Variants in SUPT3H observed in about 807,000 individuals in gnomAD.
SUPT3H encodes the protein transcription initiation protein SPT3 homolog.
Under a neutral mutation model 44.3 loss-of-function variants are expected in SUPT3H, and 44 were observed. The observed-to-expected ratio is 0.99, with a 90% confidence interval of 0.78 to 1.28. SUPT3H has a LOEUF of 1.28. SUPT3H is among the 50% of genes most tolerant of loss of function. The probability of loss-of-function intolerance (pLI) is 0.00; values close to 1 mark genes in which losing one functional copy is unlikely to be tolerated. For missense variants in SUPT3H, 380 were observed against 387.1 expected, an observed-to-expected ratio of 0.98 and a Z score of 0.15; for synonymous variants, 124 against 125.6, an observed-to-expected ratio of 0.99 and a Z score of 0.09.
intron 6 of SUPT3H, among the ~76,000 whole-genome samples, chr6:44,976,735 T>TAAAATAATTGTGGGTGTGAAAATCTTTG (rs1171256604): frequency 6.6e-6 from 1 of 152,206 alleles, no homozygotes; most frequent in Non-Finnish European, 1.5e-5. Flanking sequence ...AAATAATCTT[T>TAAAATAATTGTGGGTGTGAAAATCTTTG]AAAATAATTG....
intron 6 of SUPT3H, among the ~76,000 whole-genome samples, chr6:44,966,632 G>A (rs1176275435): frequency 6.6e-6 from 1 of 152,024 alleles, no homozygotes; most frequent in Non-Finnish European, 1.5e-5. Flanking sequence ...TCAGAAAACA[G>A]TTACTATTCT....
intron 10 of SUPT3H, among the ~76,000 whole-genome samples, chr6:44,881,398 G>C (rs1778197658): frequency 6.6e-6 from 1 of 152,134 alleles, no homozygotes; most frequent in South Asian, 2.1e-4. Context: ...CAAGTTCTTA[G>C]AGATCTACAA....
intron 2 of SUPT3H, among the ~76,000 whole-genome samples, chr6:45,244,451 A>G (rs1300986289): frequency 6.6e-6 from 1 of 152,098 alleles, no homozygotes; most frequent in Non-Finnish European, 1.5e-5. Context: ...AAATTTTCCA[A>G]TCTTATGCTC....
At chr6:44,895,380 T>A (rs1226802708) in intron 10 of SUPT3H, among the ~76,000 whole-genome samples, 1 of 151,200 alleles carries the variant, frequency 6.6e-6, no homozygotes, top group Non-Finnish European at 1.5e-5. Context: ...CACAGTACCA[T>A]ACCTGGCTCA....
intron 10 of SUPT3H, among the ~76,000 whole-genome samples, chr6:44,841,220 G>A (rs1770880811): frequency 6.6e-6 from 1 of 152,106 alleles, no homozygotes; most frequent in African/African-American, 2.4e-5. Flanking sequence ...ATTATTAGTT[G>A]TTATATGAAT....
intron 11 of SUPT3H, among the ~76,000 whole-genome samples, chr6:44,815,604 G>A (rs1199537829): frequency 6.6e-6 from 1 of 151,978 alleles, no homozygotes; most frequent in Non-Finnish European, 1.5e-5. Flanking sequence ...AATGCTAAAG[G>A]GGACAATTAA....
intron 2 of SUPT3H, among the ~76,000 whole-genome samples, chr6:45,192,280 G>GA (rs1454451700): frequency 3.3e-5 from 5 of 152,044 alleles, no homozygotes; most frequent in East Asian, 1.9e-4. Context: ...TTTGCAAGGG[G>GA]AAAAAATCAG....
chr6:45,108,794 C>T (rs964327889), intron 2 of SUPT3H, among the ~76,000 whole-genome samples: 2 of 152,024 alleles, frequency 1.3e-5, no homozygotes, highest in Non-Finnish European at 2.9e-5. Context: ...ATTATCACCA[C>T]TTTCAGTCAA....
At chr6:45,242,698 T>A (rs146354324) in intron 2 of SUPT3H, among the ~76,000 whole-genome samples, 1 of 152,122 alleles carries the variant, frequency 6.6e-6, no homozygotes, top group African/African-American at 2.4e-5. Flanking sequence ...TTAAATTGCC[T>A]GGAAAAACAA....
At chr6:45,119,904 A>G (rs1213631845) in intron 2 of SUPT3H, among the ~76,000 whole-genome samples, 1 of 152,170 alleles carries the variant, frequency 6.6e-6, no homozygotes, top group Non-Finnish European at 1.5e-5. Context: ...GTCTGAAAAT[A>G]TATACAATTT....
At chr6:45,164,971 TGCATAGGAGGGTAAG>T (rs925921842) in intron 2 of SUPT3H, among the ~76,000 whole-genome samples, 11 of 152,188 alleles carry the variant, frequency 7.2e-5, no homozygotes, top group African/African-American at 2.6e-4. Flanking sequence ...AAAGTTTGAT[TGCATAGGAGGGTAAG>T]GCACATACAC....
chr6:45,124,346 T>C (rs1342848294), intron 2 of SUPT3H, among the ~76,000 whole-genome samples: 4 of 151,804 alleles, frequency 2.6e-5, no homozygotes, highest in African/African-American at 9.7e-5. Flanking sequence ...AAAAGTACAG[T>C]TGAAAAATTG....
intron 2 of SUPT3H, among the ~76,000 whole-genome samples, chr6:45,181,974 A>C (rs1813328092): frequency 6.6e-6 from 1 of 152,120 alleles, no homozygotes; most frequent in Admixed American, 6.5e-5. Context: ...AAATAAATAC[A>C]AGTTGTATTC....
intron 2 of SUPT3H, among the ~76,000 whole-genome samples, chr6:45,252,649 A>T (rs1453176080): frequency 6.6e-6 from 1 of 152,172 alleles, no homozygotes; most frequent in Non-Finnish European, 1.5e-5. Context: ...CTGAAAAAAA[A>T]AAAGGATGCT....
In SUPT3H at chr6:45,344,504, T is replaced by C. The variant is rs149369847; in HGVS notation, c.101+20697A>G. ...CTAAATATCCAGTGGAGAGCCCATA[T>C]ATGTACATTTTCCTTTGAACGTCTA... On this transcript the variant is annotated intron_variant, in intron 2 of 10. Transcript: ENST00000371459. Among the ~76,000 whole-genome samples the C allele has an allele frequency of 3.1e-3, 474 of 152,234 alleles. 2 individuals carry two copies. Among genetic ancestry groups the C allele is most frequent in the African/African-American group, 8.3e-3 (343 of 41,550 alleles).
chr6:44,969,770 T>G (rs1777304051), intron 6 of SUPT3H, among the ~76,000 whole-genome samples: 1 of 152,236 alleles, frequency 6.6e-6, no homozygotes. Context: ...CAGTATATTT[T>G]CTATATCACA....
intron 2 of SUPT3H, among the ~76,000 whole-genome samples, chr6:45,163,380 T>A (rs776705802): frequency 6.6e-6 from 1 of 152,168 alleles, no homozygotes; most frequent in African/African-American, 2.4e-5. Context: ...TACAGCCAGT[T>A]AAAATAATCT....
intron 2 of SUPT3H, among the ~76,000 whole-genome samples, chr6:45,313,282 G>A (rs989258092): frequency 6.6e-6 from 1 of 151,768 alleles, no homozygotes; most frequent in African/African-American, 2.4e-5. Context: ...AAAAAAATAA[G>A]AGCAGAGCAG....
At chr6:45,160,341 T>C (rs1244698720) in intron 2 of SUPT3H, among the ~76,000 whole-genome samples, 1 of 152,158 alleles carries the variant, frequency 6.6e-6, no homozygotes, top group East Asian at 1.9e-4. Flanking sequence ...CGTATAACAG[T>C]AGTGCTTCAA....
Sources: allele counts gnomAD v4.1 joint callset (sites outside exome capture counted in the v4.1 genomes callset), GRCh38; gene constraint gnomAD v4.1.1; transcripts MANE v1.5; gene names NCBI Gene and HGNC (gene_info 2026-07-23, HGNC 2026-07-21).